FOXM1: variants seen among roughly 807,000 people sequenced by gnomAD.
The protein encoded by FOXM1 is forkhead box protein M1.
Under a neutral mutation model 63.6 loss-of-function variants are expected in FOXM1, and 25 were observed. The observed-to-expected ratio is 0.39, with a 90% CI of 0.29 to 0.55. FOXM1 has a LOEUF of 0.55. Among genes scored for constraint, FOXM1 ranks in the 20% least tolerant of loss-of-function variants. The pLI is 0.60. For missense variants in FOXM1, 879 were observed against 958.7 expected (o/e 0.92, Z 1.10); for synonymous variants, 387 against 376.9 (o/e 1.03, Z -0.31).
intron 8 of FOXM1, among the ~76,000 whole-genome samples, chr12:2,861,578 A>G (rs1015266281): frequency 1.3e-5 from 2 of 152,246 alleles, no homozygotes; most frequent in African/African-American, 4.8e-5. Context: ...ATGACTTATC[A>G]TAGCTTTTTT....
At position 2,864,238 on chromosome 12, in the gene FOXM1, C is replaced by CTT; in HGVS notation, c.1266+80_1266+81dup. On this transcript the variant is annotated intron_variant, in intron 8 of 8. Coordinates refer to ENST00000359843, the MANE Select transcript of FOXM1 (RefSeq NM_021953.4). The surrounding 1 kb of genome is among the most constrained non-coding windows in gnomAD (Gnocchi z 5.1). ...TAGATTTATAAGCTCTCAAGGAACACTTATCAGAGTGCTTTGCAAGCTGAA... is the reference window on the plus strand; with the variant it reads ...TAGATTTATAAGCTCTCAAGGAACACTTTTATCAGAGTGCTTTGCAAGCTGAA... 1 of 1,269,040 alleles carries CTT rather than the reference C, an allele frequency of 7.9e-7. No homozygotes were observed. The highest frequency in any genetic ancestry group is 1.1e-6 in the Non-Finnish European group (1 of 903,052). The allele number at this position is 1,269,040 out of a possible 1,614,324, so 78.6% of individuals were successfully genotyped here. A position where few individuals can be genotyped will look rare whatever the true frequency, so the allele number is the denominator to read the frequency against.
intron 4 of FOXM1, among the ~76,000 whole-genome samples, chr12:2,867,172 T>G (rs1049370384): frequency 6.8e-5 from 10 of 146,754 alleles, no homozygotes; most frequent in African/African-American, 2.5e-4. Flanking sequence ...AACAAGAAAC[T>G]AGGAAATTAA....
At chr12:2,867,324 C>T (rs950212541) in intron 4 of FOXM1, among the ~76,000 whole-genome samples, 4 of 151,846 alleles carry the variant, frequency 2.6e-5, no homozygotes, top group African/African-American at 4.8e-5. Flanking sequence ...AAAAAATTAG[C>T]GGACTGTGGT....
At position 2,872,199 on chromosome 12, in the gene FOXM1, ATGTTGGATAGGCTAT is replaced by A; in HGVS notation, c.536_550del (p.Asn179_Asn183del). On this transcript the variant is annotated inframe_deletion, in exon 3 of 9. Transcript: ENST00000359843. This position sits in a 1 kb window ranked among gnomAD's most constrained non-coding sequence, Gnocchi z 4.0. Reference sequence around the variant, plus strand: ...AGAACTCATCTTTCGAAGCCACTGGATGTTGGATAGGCTATTGTTGATAGTGCAGCCTGCTGCCTC... The same window carrying A: ...AGAACTCATCTTTCGAAGCCACTGGATGTTGATAGTGCAGCCTGCTGCCTC... 1.2e-6 allele frequency: 2 copies of A among 1,614,208 alleles called. No individual in the cohort carries two copies. The highest frequency in any genetic ancestry group is 1.7e-6 in the Non-Finnish European group (2 of 1,180,042).
chr12:2,868,019 G>A (rs539113738), intron 4 of FOXM1, among the ~76,000 whole-genome samples: 1 of 151,590 alleles, frequency 6.6e-6, no homozygotes, highest in East Asian at 1.9e-4. Context: ...CTACCATGAG[G>A]AAAACAAAGC....
At chr12:2,876,093 C>T (rs1407129836) in intron 1 of FOXM1, among the ~76,000 whole-genome samples, 1 of 152,124 alleles carries the variant, frequency 6.6e-6, no homozygotes, top group Non-Finnish European at 1.5e-5. Flanking sequence ...ATGGAATATT[C>T]TACCATTAAG....
rs112974593 is a variant in FOXM1 at position 2,859,261 on chromosome 12, C to T, written c.1669G>A (p.Glu557Lys). 1.1e-5 allele frequency: 18 copies of T among 1,613,768 alleles called. No individual in the cohort carries two copies. The highest frequency in any genetic ancestry group is 1.4e-5 in the Non-Finnish European group (17 of 1,180,014). ...KQHLLPPCVD[E>K]PELLFSEGPS... ...CCCTCTGAGAAGAGCAGCTCCGGCT[C>T]ATCCACACAGGGAGGCAGTAGATGC... Residue 557 changes from glutamate (E) to lysine (K), a missense_variant, in exon 9 of 9, where the codon GAG becomes AAG. By Grantham distance (56) the Glu-to-Lys change is moderately conservative (BLOSUM62 1). This residue lies in a region of FOXM1 where 486 missense variants were observed against 453.5 expected (regional missense o/e 1.07). Coordinates refer to ENST00000359843, the MANE Select transcript of FOXM1 (RefSeq NM_021953.4).
intron 3 of FOXM1, among the ~76,000 whole-genome samples, chr12:2,869,526 C>T (rs1429519049): frequency 6.6e-6 from 1 of 151,098 alleles, no homozygotes; most frequent in African/African-American, 2.4e-5. Flanking sequence ...ACCTCTGCCT[C>T]CTGGGTTCAA....
Position 2,868,650 on chromosome 12 carries a change from C to T in FOXM1, c.759G>A (p.Glu253=), listed in dbSNP as rs749527237. Residue 253 remains glutamate (E), a synonymous_variant, in exon 4 of 9, where the codon GAG becomes GAA. Coordinates refer to ENST00000359843, the MANE Select transcript of FOXM1 (RefSeq NM_021953.4). Reference sequence around the variant, plus strand: ...TGTCTTTCAAAGTCATGCGCTTCCTCTCAGTGCTGTTGATGGCGAATTGTA... The same window carrying T: ...TGTCTTTCAAAGTCATGCGCTTCCTTTCAGTGCTGTTGATGGCGAATTGTA... ...AMIQFAINST[E]RKRMTLKDIY... is the part of the protein sequence containing the mutation. 1.4e-5 allele frequency: 22 copies of T among 1,614,010 alleles called. No individual in the cohort carries two copies. In the East Asian group the frequency reaches 3.8e-4, roughly 28 times the overall value.
Position 2,864,421 on chromosome 12 carries a change from G to C in FOXM1, c.1165C>G (p.Leu389Val). The C allele has an allele frequency of 1.2e-6, 2 of 1,614,224 alleles. No homozygotes were observed. The highest frequency in any genetic ancestry group is 1.1e-5 in the South Asian group (1 of 91,092). Residue 389 changes from leucine to valine, a missense_variant, in exon 8 of 9, where the codon CTG becomes GTG. Physicochemically the swap from Leu to Val is conservative, Grantham distance 32 (BLOSUM62 1). Transcript: ENST00000359843. The surrounding 1 kb of genome is among the most constrained non-coding windows in gnomAD (Gnocchi z 5.1). ...ACCTTCACCGAGGGCTGCAACACCA[G>C]TGACTGGTTCACCGGGAACTGGATA... ...VPIQFPVNQSLVLQPSVKVPL... is the reference protein window; with the variant it reads ...VPIQFPVNQSVVLQPSVKVPL...
rs757370268 is a variant in FOXM1, at chr12:2,872,106, C to T, written c.644G>A (p.Arg215Gln). 3.1e-6 allele frequency: 5 copies of T among 1,614,040 alleles called. No individual in the cohort carries two copies. Among genetic ancestry groups the T allele is most frequent in the Admixed American group, 3.3e-5 (2 of 59,998 alleles). The change falls in exon 3 of 9, where the codon CGA becomes CAA. Residue 215 changes from arginine (R) to glutamine (Q), a missense_variant. Physicochemically the swap from Arg to Gln is conservative, Grantham distance 43 (BLOSUM62 1). This residue lies in a region of FOXM1 where 255 missense variants were observed against 292.4 expected (regional missense o/e 0.87). Transcript: ENST00000359843. The surrounding 1 kb of genome is among the most constrained non-coding windows in gnomAD (Gnocchi z 4.0). The part of the protein sequence containing the change: ...EEKENCHLEQ[R>Q]QVKVEEPSRP... ...GACGGAACAATTCACCTTAACCTGT[C>T]GCTGCTCCAGGTGACAATTCTCCTT...
At position 2,874,458 on chromosome 12, in the gene FOXM1, C is replaced by G. The variant is rs889211465; in HGVS notation, c.21G>C (p.Arg7=). 7 of 1,610,004 alleles carry G rather than the reference C, an allele frequency of 4.3e-6. No homozygotes were observed. Among genetic ancestry groups the G allele is most frequent in the Admixed American group, 3.4e-5 (2 of 59,416 alleles). ...GCCTCCGTCTTTTGAGAATCAGTGG[C>G]CGACGGGGGCTAGTTTTCATTATGA... MKTSPR[R]PLILKRRRLP... Residue 7 remains arginine (R), a synonymous_variant, in exon 2 of 9, where the codon CGG becomes CGC. Transcript: ENST00000359843. This position sits in a 1 kb window ranked among gnomAD's most constrained non-coding sequence, Gnocchi z 4.3.
At chr12:2,862,248 T>C (rs114678746) in intron 8 of FOXM1, among the ~76,000 whole-genome samples, 3,762 of 151,362 alleles carry the variant, frequency 0.025, 150 homozygotes, top group African/African-American at 0.086. Flanking sequence ...CAATGTTCTG[T>C]GTGTTGTATG....
rs2098118952 is a variant in FOXM1 at position 2,864,207 on chromosome 12, C to T, written c.1266+113G>A. ...TCCCTATGTTTTTATGCCTTTTCTA[C>T]CCAACTAGATTTATAAGCTCTCAAG... is the stretch of plus-strand genomic sequence containing the variant. On this transcript the variant is annotated intron_variant, in intron 8 of 8. Coordinates refer to ENST00000359843, the MANE Select transcript of FOXM1 (RefSeq NM_021953.4). The surrounding 1 kb of genome is among the most constrained non-coding windows in gnomAD (Gnocchi z 5.1). The T allele has an allele frequency of 6.3e-6, 6 of 952,416 alleles. No individual in the cohort carries two copies. The highest frequency in any genetic ancestry group is 2.4e-5 in the East Asian group (1 of 41,370). The allele number at this position is 952,416 out of a possible 1,614,324, so 59.0% of individuals were successfully genotyped here. A position where few individuals can be genotyped will look rare whatever the true frequency, so the allele number is the denominator to read the frequency against.
At position 2,859,564 on chromosome 12, in the gene FOXM1, C is replaced by T; in HGVS notation, c.1366G>A (p.Val456Ile). 2 of 1,614,038 alleles carry T rather than the reference C, an allele frequency of 1.2e-6. No individual in the cohort carries two copies. Among genetic ancestry groups the T allele is most frequent in the South Asian group, 2.2e-5 (2 of 91,086 alleles). Reference sequence around the variant, plus strand: ...ATTTCTTCCTCCTTGATAGTCTGAACTGGAAGCAAAGGAGAAAACCCTTCT... The same window carrying T: ...ATTTCTTCCTCCTTGATAGTCTGAATTGGAAGCAAAGGAGAAAACCCTTCT... ...FGEGFSPLLP[V>I]QTIKEEEIQP... Residue 456 changes from valine (V) to isoleucine (I), a missense_variant, in exon 9 of 9, where the codon GTT becomes ATT. This residue lies in a region of FOXM1 where 486 missense variants were observed against 453.5 expected (regional missense o/e 1.07). Coordinates refer to ENST00000359843, the MANE Select transcript of FOXM1 (RefSeq NM_021953.4).
intron 4 of FOXM1, among the ~76,000 whole-genome samples, chr12:2,866,829 G>A (rs573804953): frequency 1.3e-5 from 2 of 152,356 alleles, no homozygotes; most frequent in South Asian, 4.1e-4. Flanking sequence ...GTGATCAATA[G>A]CAAGAAAGGT....
chr12:2,867,894 C>T (rs1164193133), intron 4 of FOXM1, among the ~76,000 whole-genome samples: 1 of 147,896 alleles, frequency 6.8e-6, no homozygotes, highest in African/African-American at 2.5e-5. Flanking sequence ...AGGAGAATCG[C>T]TTGAACCTTG....
intron 8 of FOXM1, among the ~76,000 whole-genome samples, chr12:2,860,884 A>T (rs1290080355): frequency 1.4e-5 from 2 of 146,680 alleles, no homozygotes; most frequent in African/African-American, 5.3e-5. Flanking sequence ...AAAAACTCTC[A>T]CAGGCTGGGC....
chr12:2,859,006 T>G lies in FOXM1; in HGVS notation c.1924A>C (p.Thr642Pro). 6.2e-7 allele frequency: 1 copy of G among 1,612,014 alleles called. No individual in the cohort carries two copies. Among genetic ancestry groups the G allele is most frequent in the East Asian group, 2.2e-5 (1 of 44,786 alleles). The change falls in exon 9 of 9, where the codon ACC (threonine) becomes CCC (proline). Residue 642 changes from threonine to proline, a missense_variant. Thr to Pro is a conservative substitution (Grantham distance 38). Transcript: ENST00000359843. ...AAGGGGTCAGAGGCACCCTGGGAGG[T>G]TTGTACTGGGCTGAAATCCAGTCCC... Reference protein sequence around the residue: ...VGGLDFSPVQTSQGASDPLPD... With the variant: ...VGGLDFSPVQPSQGASDPLPD...
Sources: gnomAD v4.1 joint callset for allele counts (sites outside exome capture counted in the v4.1 genomes callset) on GRCh38, gnomAD v4.1.1 for gene constraint, gnomAD v4.1.1 regional missense constraint, Gnocchi (gnomAD v3.1) non-coding constraint, MANE v1.5 for transcripts, NCBI Gene and HGNC (gene_info 2026-07-23, HGNC 2026-07-21) for gene names.